Variants in DNAJA2 observed in about 807,000 individuals in gnomAD.
DNAJA2 encodes DnaJ heat shock protein family (Hsp40) member A2, also known as dnaJ homolog subfamily A member 2.
Under a neutral mutation model 49.3 loss-of-function variants are expected in DNAJA2, and 6 were observed. The ratio of observed to expected loss-of-function variants is 0.12; its 90% CI spans 0.07 to 0.24. The LOEUF is 0.24. Ranked by LOEUF, DNAJA2 falls within the 10% of genes least tolerant of loss-of-function variation. DNAJA2 has a pLI of 1.00. For synonymous variants in DNAJA2, 160 were observed against 172.7 expected, an observed-to-expected ratio of 0.93 and a Z score of 0.58; for missense variants, 347 against 516.8, an observed-to-expected ratio of 0.67 and a Z score of 3.19.
intron 6 of DNAJA2, among the ~76,000 whole-genome samples, chr16:46,963,843 A>G (rs913236513): frequency 1.3e-5 from 2 of 152,242 alleles, no homozygotes; most frequent in African/African-American, 2.4e-5. Context: ...TCGACAGAGC[A>G]GCAGAGTTTC....
intron 6 of DNAJA2, among the ~76,000 whole-genome samples, chr16:46,960,284 A>T (rs190791627): frequency 6.6e-6 from 1 of 152,192 alleles, no homozygotes; most frequent in Non-Finnish European, 1.5e-5. Context: ...AGGAACACAT[A>T]TTCTTGGGCC....
At chr16:46,960,041 A>G (rs1455172945) in intron 6 of DNAJA2, among the ~76,000 whole-genome samples, 1 of 152,254 alleles carries the variant, frequency 6.6e-6, no homozygotes, top group Non-Finnish European at 1.5e-5. Flanking sequence ...TTCAATGTGT[A>G]GGAAAAATAC....
At chr16:46,971,863 A>AC in intron 2 of DNAJA2, 33 bp downstream of exon 2, 1 of 1,577,574 alleles carries the variant, frequency 6.3e-7, no homozygotes, top group Non-Finnish European at 8.7e-7. Context: ...TAAAGCTAAA[A>AC]CCCCCGGAAT....
In DNAJA2 at chr16:46,958,989, T is replaced by C; in HGVS notation, c.1047+14A>G. The C allele has an allele frequency of 6.4e-7, 1 of 1,566,666 alleles. No individual in the cohort carries two copies. The highest frequency in any genetic ancestry group is 1.4e-5 in the African/African-American group (1 of 72,646). ...CTTGGAAGTCAACTGTTGTTTAATT[T>C]AAAGAACACTTACAGAAAGCTTGTC... On this transcript the variant is annotated intron_variant, in intron 8 of 8. Coordinates refer to ENST00000317089, the MANE Select transcript of DNAJA2 (RefSeq NM_005880.4).
chr16:46,955,396 A>G lies in DNAJA2; in HGVS notation c.*1633T>C, dbSNP rs1961795079. 1 of 152,224 alleles carries G rather than the reference A, an allele frequency of 6.6e-6. No homozygotes were observed. Among genetic ancestry groups the G allele is most frequent in the Non-Finnish European group, 1.5e-5 (1 of 68,048 alleles). 9.4% of individuals were successfully genotyped at this position (152,224 alleles called of 1,614,324 possible). A position where few individuals can be genotyped will look rare whatever the true frequency, so the allele number is the denominator to read the frequency against. On this transcript the variant is annotated 3_prime_UTR_variant, in exon 9 of 9. Transcript: ENST00000317089. ...ATAAACCTTTATTGGAAAGGCTACA[A>G]ACTTTATATTGCCACCACATTTCTT...
At position 46,973,650 on chromosome 16, in the gene DNAJA2, G is replaced by A. The variant is rs994092243; in HGVS notation, c.-78C>T. ...AGTCGGGCCCACAAGCGGCGTCGGC[G>A]GCGGCACAGGCCGAGGGAGACAGCG... On this transcript the variant is annotated 5_prime_UTR_variant, in exon 1 of 9. Transcript: ENST00000317089. 6.8e-6 allele frequency: 10 copies of A among 1,465,182 alleles called. No homozygotes were observed. Among genetic ancestry groups the A allele is most frequent in the East Asian group, 2.6e-5 (1 of 38,784 alleles). 90.8% of individuals were successfully genotyped at this position (1,465,182 alleles called of 1,614,324 possible). A position where few individuals can be genotyped will look rare whatever the true frequency, so the allele number is the denominator to read the frequency against.
Position 46,964,651 on chromosome 16 carries a change from G to C in DNAJA2, c.734C>G (p.Pro245Arg). Residue 245 changes from proline (P) to arginine (R), a missense_variant, in exon 6 of 9, where the codon CCC becomes CGC. Coordinates refer to ENST00000317089, the MANE Select transcript of DNAJA2 (RefSeq NM_005880.4). ...GEADQAPGVE[P>R]GDIVLLLQEK... ...CTGTAGCAAAAGAACAATGTCTCCG[G>C]GTTCCACTCCTGGGGCCTGGTCTGC... 1 of 1,612,796 alleles carries C rather than the reference G, an allele frequency of 6.2e-7. No individual in the cohort carries two copies. The highest frequency in any genetic ancestry group is 8.5e-7 in the Non-Finnish European group (1 of 1,179,762).
chr16:46,958,927 G>C, intron 8 of DNAJA2, 76 bp downstream of exon 8: 2 of 1,503,124 alleles, frequency 1.3e-6, no homozygotes, highest in African/African-American at 1.4e-5. Context: ...CTGGGTGACA[G>C]AGACCCTGTC....
At chr16:46,969,806 A>T (rs1255909230) in intron 3 of DNAJA2, among the ~76,000 whole-genome samples, 2 of 152,260 alleles carry the variant, frequency 1.3e-5, no homozygotes, top group African/African-American at 4.8e-5. Flanking sequence ...ATGTTAAAAC[A>T]GCAGAAAACT....
At chr16:46,973,167 C>A (rs1962081382) in intron 1 of DNAJA2, among the ~76,000 whole-genome samples, 1 of 152,144 alleles carries the variant, frequency 6.6e-6, no homozygotes, top group Non-Finnish European at 1.5e-5. Flanking sequence ...CGCGAAGGAC[C>A]GGGCGAGCTG....
Position 46,956,767 on chromosome 16 carries a change from A to G in DNAJA2, c.*262T>C, listed in dbSNP as rs572007388. On this transcript the variant is annotated 3_prime_UTR_variant, in exon 9 of 9. Transcript: ENST00000317089. ...AGCACAGATACCAGGATTGAAACTT[A>G]TAATAATCCATGTGTGAAAGGGAGT... is the stretch of plus-strand genomic sequence containing the variant. 2.2e-5 allele frequency: 8 copies of G among 355,676 alleles called. No individual in the cohort carries two copies. Among genetic ancestry groups the G allele is most frequent in the Non-Finnish European group, 3.6e-5 (7 of 196,200 alleles). 22.0% of individuals were successfully genotyped at this position (355,676 alleles called of 1,614,324 possible). A position where few individuals can be genotyped will look rare whatever the true frequency, so the allele number is the denominator to read the frequency against.
At chr16:46,961,590 AAAAAAG>A (rs1203184088) in intron 6 of DNAJA2, among the ~76,000 whole-genome samples, 4 of 152,040 alleles carry the variant, frequency 2.6e-5, no homozygotes, top group Admixed American at 6.6e-5. Context: ...TCAAAAAAAA[AAAAAAG>A]AAAAGGGAAC....
intron 6 of DNAJA2, among the ~76,000 whole-genome samples, chr16:46,962,587 T>A (rs1213787396): frequency 6.6e-6 from 1 of 152,208 alleles, no homozygotes; most frequent in Non-Finnish European, 1.5e-5. Context: ...GCTAGCTTTC[T>A]CCCTCATATT....
intron 6 of DNAJA2, among the ~76,000 whole-genome samples, chr16:46,962,821 A>T (rs987339831): frequency 6.6e-6 from 1 of 152,210 alleles, no homozygotes; most frequent in African/African-American, 2.4e-5. Context: ...CTGAGTCATG[A>T]AAGCTGACTA....
chr16:46,964,836 G>A, intron 5 of DNAJA2, 29 bp from the exon 6 acceptor site: 5 of 1,574,384 alleles, frequency 3.2e-6, no homozygotes, highest in African/African-American at 1.4e-5. Context: ...GAAACTTTCA[G>A]CAAGAGTACT....
At chr16:46,966,189 C>T (rs576810215) in intron 5 of DNAJA2, among the ~76,000 whole-genome samples, 44 of 152,252 alleles carry the variant, frequency 2.9e-4, no homozygotes, top group Non-Finnish European at 1.9e-4. Flanking sequence ...CGAGAGTGTG[C>T]CACTGCACTC....
intron 6 of DNAJA2, among the ~76,000 whole-genome samples, chr16:46,961,281 G>A (rs1349541803): frequency 1.3e-5 from 2 of 151,680 alleles, no homozygotes; most frequent in Non-Finnish European, 2.9e-5. Context: ...TTGGGAGGCT[G>A]AGGCAGGAGA....
At chr16:46,965,582 G>C (rs980305723) in intron 5 of DNAJA2, among the ~76,000 whole-genome samples, 4 of 152,152 alleles carry the variant, frequency 2.6e-5, no homozygotes, top group African/African-American at 9.7e-5. Context: ...TGTAATCCCA[G>C]CCCTTTGGGA....
chr16:46,965,842 AAAAAAAG>A (rs989348137), intron 5 of DNAJA2, among the ~76,000 whole-genome samples: 16 of 151,954 alleles, frequency 1.1e-4, no homozygotes, highest in African/African-American at 3.4e-4. Context: ...CAAAAAAAAA[AAAAAAAG>A]AAAAAAGAAA....
Sources: allele counts gnomAD v4.1 joint callset (sites outside exome capture counted in the v4.1 genomes callset), GRCh38; gene constraint gnomAD v4.1.1; transcripts MANE v1.5; gene names NCBI Gene and HGNC (gene_info 2026-07-23, HGNC 2026-07-21).